Variants in KMO observed in about 807,000 individuals in gnomAD.
KMO encodes the protein kynurenine 3-hydroxylase.
Under a neutral mutation model 57.8 loss-of-function variants are expected in KMO, and 24 were observed. That is an observed-to-expected ratio of 0.42 (90% CI 0.30 to 0.58). KMO has a LOEUF of 0.58. Among genes scored for constraint, KMO ranks in the 20% least tolerant of loss-of-function variants. KMO has a pLI of 0.22. For missense variants in KMO, 483 were observed against 588.2 expected, an observed-to-expected ratio of 0.82 and a Z score of 1.85; for synonymous variants, 210 against 193.6, an observed-to-expected ratio of 1.08 and a Z score of -0.70.
chr1:241,568,566 A>C lies in KMO; in HGVS notation c.876A>C (p.Ser292=), dbSNP rs772329974. 2 of 1,613,824 alleles carry C rather than the reference A, an allele frequency of 1.2e-6. No homozygotes were observed. The highest frequency in any genetic ancestry group is 2.7e-5 in the African/African-American group (2 of 74,908). ...AQPMISVKCS[S]FHFKSHCVLL... ...CCATGATATCTGTAAAGTGCTCTTC[A>C]TTTCACTTTAAATCTCACTGTGTAC... The change falls in exon 10 of 15, where the codon TCA becomes TCC. Residue 292 remains serine (S), a synonymous_variant. Transcript: ENST00000366559.
At chr1:241,550,863 T>C (rs1023130881) in intron 3 of KMO, 92 bp from the exon 4 acceptor site, 1 of 633,570 alleles carries the variant, frequency 1.6e-6, no homozygotes, top group South Asian at 2.6e-5. Flanking sequence ...TCTTGGAGAA[T>C]ATATGAAATT....
chr1:241,594,848 T>A lies in KMO; in HGVS notation c.*2695T>A, dbSNP rs1236436564. On this transcript the variant is annotated 3_prime_UTR_variant, in exon 15 of 15. Transcript: ENST00000366559. Reference sequence around the variant, plus strand: ...GTGGTCATGCTCAGATCTACCTAAATCACCCCAGAGCTTTATGTCTTTTAT... The same window carrying A: ...GTGGTCATGCTCAGATCTACCTAAAACACCCCAGAGCTTTATGTCTTTTAT... 1.4e-6 allele frequency: 1 copy of A among 719,244 alleles called. No individual in the cohort carries two copies. Among genetic ancestry groups the A allele is most frequent in the Non-Finnish European group, 2.3e-6 (1 of 440,742 alleles). 44.6% of individuals were successfully genotyped at this position (719,244 alleles called of 1,614,324 possible).
intron 10 of KMO, among the ~76,000 whole-genome samples, chr1:241,577,014 T>C (rs1662546456): frequency 6.6e-6 from 1 of 152,112 alleles, no homozygotes; most frequent in South Asian, 2.1e-4. Context: ...TCTTCTGCTT[T>C]CTCTAGCCTG....
chr1:241,594,880 T>G lies in KMO; in HGVS notation c.*2727T>G. ...AGAGCTTTATGTCTTTTATTCATTC[T>G]AATTCTTATTAACCGGAATATGTAG... On this transcript the variant is annotated 3_prime_UTR_variant, in exon 15 of 15. Transcript: ENST00000366559. The G allele has an allele frequency of 8.2e-6, 5 of 606,608 alleles. No homozygotes were observed. Among genetic ancestry groups the G allele is most frequent in the Non-Finnish European group, 1.4e-5 (5 of 351,326 alleles). 37.6% of individuals were successfully genotyped at this position (606,608 alleles called of 1,614,324 possible).
intron 1 of KMO, among the ~76,000 whole-genome samples, chr1:241,548,330 C>T (rs552303569): frequency 6.6e-6 from 1 of 151,930 alleles, no homozygotes; most frequent in African/African-American, 2.4e-5. Flanking sequence ...ATATGTATAC[C>T]TAAAGGCTAA....
rs978165212 is a variant in KMO at position 241,549,732 on chromosome 1, T to A, written c.180T>A (p.His60Gln). Residue 60 changes from histidine (H) to glutamine (Q), a missense_variant, in exon 3 of 15, where the codon CAT becomes CAA. Around this residue, in one of 3 missense-constraint regions of KMO, gnomAD observed 70 missense variants for 78.4 expected, o/e 0.89. Coordinates refer to ENST00000366559, the MANE Select transcript of KMO (RefSeq NM_003679.5). ...RGRSINLALSHRGRQALKAVG... is the reference protein window; with the variant it reads ...RGRSINLALSQRGRQALKAVG... ...GAAGCATTAACTTAGCCCTTTCTCA[T>A]AGAGGACGACAAGCCTTGAAAGCTG... The A allele has an allele frequency of 6.2e-7, 1 of 1,613,654 alleles. No individual in the cohort carries two copies. Among genetic ancestry groups the A allele is most frequent in the East Asian group, 2.2e-5 (1 of 44,838 alleles).
intron 10 of KMO, 22 bp from the exon 11 acceptor site, chr1:241,586,655 TTC>T: frequency 2.7e-6 from 4 of 1,487,282 alleles, no homozygotes; most frequent in Non-Finnish European, 3.7e-6. Flanking sequence ...AGTTTCTTAT[TTC>T]TCTTTTTTTT....
chr1:241,556,205 C>G (rs1661617123), intron 5 of KMO, among the ~76,000 whole-genome samples: 1 of 152,228 alleles, frequency 6.6e-6, no homozygotes, highest in East Asian at 1.9e-4. Context: ...GCAATCATGG[C>G]TCACTGTAAC....
Position 241,560,728 on chromosome 1 carries a change from A to T in KMO, c.425A>T (p.Glu142Val). ...FNHRLLKCNPEEGMITVLGSD... is the reference protein window; with the variant it reads ...FNHRLLKCNPVEGMITVLGSD... ...CACAGGCTGTTGAAATGTAATCCAGAGGAAGGAATGATCACAGTGCTTGGG... is the reference window on the plus strand; with the variant it reads ...CACAGGCTGTTGAAATGTAATCCAGTGGAAGGAATGATCACAGTGCTTGGG... The change falls in exon 6 of 15, where the codon GAG becomes GTG. Residue 142 changes from glutamate (E) to valine (V), a missense_variant. Physicochemically the swap from Glu to Val is moderately radical, Grantham distance 121 (BLOSUM62 -2). Coordinates refer to ENST00000366559, the MANE Select transcript of KMO (RefSeq NM_003679.5). The T allele has an allele frequency of 1.2e-6, 2 of 1,613,494 alleles. No homozygotes were observed. The highest frequency in any genetic ancestry group is 1.7e-6 in the Non-Finnish European group (2 of 1,179,424).
intron 5 of KMO, among the ~76,000 whole-genome samples, chr1:241,560,394 G>T (rs1661791737): frequency 6.6e-6 from 1 of 152,164 alleles, no homozygotes; most frequent in South Asian, 2.1e-4. Flanking sequence ...AATAATTACA[G>T]CAATGCAAGA....
chr1:241,546,805 T>C (rs1661165168), intron 1 of KMO, among the ~76,000 whole-genome samples: 2 of 152,322 alleles, frequency 1.3e-5, no homozygotes, highest in South Asian at 4.1e-4. Context: ...AACATTTGCA[T>C]GCATGAGCTC....
At chr1:241,546,778 A>G (rs371522126) in intron 1 of KMO, among the ~76,000 whole-genome samples, 1 of 152,230 alleles carries the variant, frequency 6.6e-6, no homozygotes, top group Non-Finnish European at 1.5e-5. Flanking sequence ...GAGACATACA[A>G]GAAGCTGTAT....
At chr1:241,575,935 A>G (rs964239757) in intron 10 of KMO, among the ~76,000 whole-genome samples, 3 of 151,502 alleles carry the variant, frequency 2.0e-5, no homozygotes, top group Admixed American at 6.6e-5. Flanking sequence ...TAAATTTAAG[A>G]GCTCCAGTGT....
chr1:241,554,750 C>A (rs1188443043), intron 4 of KMO, among the ~76,000 whole-genome samples: 1 of 150,422 alleles, frequency 6.6e-6, no homozygotes, highest in Admixed American at 6.6e-5. Flanking sequence ...GTCGGTGGAT[C>A]ACCTGAGGTT....
chr1:241,579,114 T>A lies in KMO; in HGVS notation c.958-7565T>A, dbSNP rs573642030. The stretch of plus-strand genomic sequence containing the variant: ...ACACAGCCAAACCATATCACAGTGA[T>A]AGCTGAGGTCATACACAAATTTTCT... On this transcript the variant is annotated intron_variant, in intron 10 of 14. Transcript: ENST00000366559. Among the ~76,000 whole-genome samples the A allele has an allele frequency of 3.9e-5, 6 of 152,116 alleles. No individual in the cohort carries two copies. In the East Asian group the frequency reaches 1.2e-3, roughly 29 times the overall value.
chr1:241,580,787 A>T (rs952462406), intron 10 of KMO, among the ~76,000 whole-genome samples: 2 of 152,030 alleles, frequency 1.3e-5, no homozygotes, highest in Non-Finnish European at 2.9e-5. Flanking sequence ...ATCTTTGAGG[A>T]TGTTTCATGT....
intron 10 of KMO, among the ~76,000 whole-genome samples, chr1:241,569,337 GTC>G (rs1475199907): frequency 6.6e-6 from 1 of 150,528 alleles, no homozygotes; most frequent in African/African-American, 2.4e-5. Flanking sequence ...ACCATTCCCA[GTC>G]TCTGGGGAGC....
intron 5 of KMO, among the ~76,000 whole-genome samples, chr1:241,556,238 A>G (rs1279241160): frequency 2.6e-5 from 4 of 152,154 alleles, no homozygotes; most frequent in South Asian, 4.1e-4. Flanking sequence ...TGCTCAAGCT[A>G]TCTTCCCACC....
intron 1 of KMO, among the ~76,000 whole-genome samples, chr1:241,547,225 T>C (rs530162850): frequency 3.9e-4 from 60 of 152,222 alleles, no homozygotes; most frequent in African/African-American, 1.4e-3. Context: ...CATTTGTAAT[T>C]GCATTAAAAA....
Sources: allele counts gnomAD v4.1 joint callset (sites outside exome capture counted in the v4.1 genomes callset), GRCh38; gene constraint gnomAD v4.1.1; regional missense constraint gnomAD v4.1.1; transcripts MANE v1.5; gene names NCBI Gene and HGNC (gene_info 2026-07-23, HGNC 2026-07-21).